CEMIP: variants seen among roughly 807,000 people sequenced by gnomAD.
CEMIP encodes the protein cell migration inducing hyaluronidase 1, also known as cell migration-inducing and hyaluronan-binding protein.
Under a neutral mutation model 156.9 loss-of-function variants are expected in CEMIP, and 105 were observed. The ratio of observed to expected loss-of-function variants is 0.67; its 90% CI spans 0.57 to 0.79. CEMIP has a LOEUF of 0.79. Among genes scored for constraint, CEMIP ranks in the 30% least tolerant of loss-of-function variants. The pLI is 0.00. For synonymous variants in CEMIP, 676 were observed against 668.4 expected, an observed-to-expected ratio of 1.01 and a Z score of -0.17; for missense variants, 1,457 against 1,769.4, an observed-to-expected ratio of 0.82 and a Z score of 3.17.
At chr15:80,827,358 C>T (rs1897059582) in intron 1 of CEMIP, among the ~76,000 whole-genome samples, 2 of 152,178 alleles carry the variant, frequency 1.3e-5, no homozygotes, top group Non-Finnish European at 2.9e-5. Context: ...CCAAAGTCAA[C>T]GACCTGCACA....
intron 1 of CEMIP, among the ~76,000 whole-genome samples, chr15:80,780,444 T>C (rs1405562547): frequency 1.3e-5 from 2 of 152,154 alleles, no homozygotes; most frequent in East Asian, 1.9e-4. Context: ...CGTGTGCTCA[T>C]GAGAGAGGAG....
At chr15:80,874,001 G>A in intron 3 of CEMIP, 28 bp downstream of exon 3, 1 of 1,541,992 alleles carries the variant, frequency 6.5e-7, no homozygotes, top group Non-Finnish European at 8.8e-7. Flanking sequence ...ATGGACCTCT[G>A]TATCTCAGCA....
intron 1 of CEMIP, among the ~76,000 whole-genome samples, chr15:80,808,326 GGA>G (rs1896568144): frequency 6.6e-6 from 1 of 152,122 alleles, no homozygotes; most frequent in African/African-American, 2.4e-5. Flanking sequence ...AGCTGTAAAT[GGA>G]AGGTATTACA....
intron 12 of CEMIP, chr15:80,896,405 A>G (rs1302033512): frequency 2.0e-6 from 1 of 494,318 alleles, no homozygotes. Flanking sequence ...CCTAGGCTCA[A>G]AGATGGCACA....
chr15:80,906,114 A>G lies in CEMIP; in HGVS notation c.1412-549A>G, dbSNP rs1016637515. Among the ~76,000 whole-genome samples the G allele has an allele frequency of 2.0e-5, 3 of 152,258 alleles. No individual in the cohort carries two copies. Among genetic ancestry groups the G allele is most frequent in the Admixed American group, 2.0e-4 (3 of 15,290 alleles). On this transcript the variant is annotated intron_variant, in intron 12 of 29. Transcript: ENST00000394685. This position sits in a 1 kb window ranked among gnomAD's most constrained non-coding sequence, Gnocchi z 4.3. ...GCTGTAAAGCAGGGGCTTTAAAGACAGAGGGGTTCTGTTTTATCTTCCTAA... is the reference window on the plus strand; with the variant it reads ...GCTGTAAAGCAGGGGCTTTAAAGACGGAGGGGTTCTGTTTTATCTTCCTAA...
chr15:80,931,545 CA>C (rs1900911790), intron 21 of CEMIP, among the ~76,000 whole-genome samples: 1 of 152,126 alleles, frequency 6.6e-6, no homozygotes, highest in Non-Finnish European at 1.5e-5. Context: ...CTCCAAACTC[CA>C]AACTAGCAAC....
Position 80,782,754 on chromosome 15 carries a change from G to A in CEMIP, c.-176+3140G>A, listed in dbSNP as rs1596084372. ...TCTTCCGTCTAAAAGGATTGGAGCT[G>A]AAGAATACATGCTACAGATGCTCAG... On this transcript the variant is annotated intron_variant, in intron 1 of 29. Coordinates refer to ENST00000394685, the MANE Select transcript of CEMIP (RefSeq NM_001293298.2). Among the ~76,000 whole-genome samples, 8 of 152,330 alleles carry A rather than the reference G, an allele frequency of 5.3e-5. 1 individual carries two copies. The South Asian group carries it at 1.7e-3, about 32-fold the overall frequency.
chr15:80,908,781 A>C (rs893047101), intron 13 of CEMIP, among the ~76,000 whole-genome samples: 1 of 152,160 alleles, frequency 6.6e-6, no homozygotes, highest in Non-Finnish European at 1.5e-5. Flanking sequence ...CTTGCTCATA[A>C]CACTTGATGG....
At chr15:80,875,134 A>G (rs976559548) in intron 3 of CEMIP, among the ~76,000 whole-genome samples, 1 of 149,908 alleles carries the variant, frequency 6.7e-6, no homozygotes, top group Non-Finnish European at 1.5e-5. Context: ...CCCGGGCTCA[A>G]AAGATTCTCT....
intron 1 of CEMIP, among the ~76,000 whole-genome samples, chr15:80,808,312 T>C (rs1896567622): frequency 6.6e-6 from 1 of 152,150 alleles, no homozygotes; most frequent in African/African-American, 2.4e-5. Context: ...GCTGAGACCC[T>C]CACAGCTGTA....
Position 80,932,880 on chromosome 15 carries a change from A to G in CEMIP, c.2794-365A>G, listed in dbSNP as rs1322571684. Among the ~76,000 whole-genome samples, 1 of 152,118 alleles carries G rather than the reference A, an allele frequency of 6.6e-6. No individual in the cohort carries two copies. The highest frequency in any genetic ancestry group is 1.5e-5 in the Non-Finnish European group (1 of 68,036). ...TGTGTGTACCCTTTCTCATACACAC[A>G]TCACCCCCACCTCCCTCTCACACAC... On this transcript the variant is annotated intron_variant, in intron 22 of 29. Transcript: ENST00000394685. The surrounding 1 kb of genome is among the most constrained non-coding windows in gnomAD (Gnocchi z 4.5).
intron 14 of CEMIP, among the ~76,000 whole-genome samples, chr15:80,911,429 C>T (rs1328084369): frequency 6.6e-6 from 1 of 152,174 alleles, no homozygotes; most frequent in Non-Finnish European, 1.5e-5. Flanking sequence ...CTACATTTAA[C>T]TTTACTAAAG....
At chr15:80,830,455 A>G (rs996695385) in intron 1 of CEMIP, among the ~76,000 whole-genome samples, 3 of 151,968 alleles carry the variant, frequency 2.0e-5, no homozygotes, top group Non-Finnish European at 4.4e-5. Flanking sequence ...TGGTTCTAGG[A>G]CTGTGATTTC....
chr15:80,916,956 T>C (rs1507661), intron 14 of CEMIP, among the ~76,000 whole-genome samples: 111,316 of 152,152 alleles, frequency 0.73, 43,997 homozygotes, highest in Non-Finnish European at 0.87. Flanking sequence ...ACACAGGTTA[T>C]GGACTCAGAC....
intron 7 of CEMIP, among the ~76,000 whole-genome samples, chr15:80,886,697 G>A (rs1898854138): frequency 6.6e-6 from 1 of 152,170 alleles, no homozygotes; most frequent in South Asian, 2.1e-4. Context: ...AGGAAACGAG[G>A]ACCCAAATAC....
At chr15:80,937,698 G>T in intron 24 of CEMIP, 96 bp from the exon 25 acceptor site, 1 of 1,107,880 alleles carries the variant, frequency 9.0e-7, no homozygotes, top group Non-Finnish European at 1.4e-6. Context: ...GGTGTCATTT[G>T]GTGGAGATTT....
intron 1 of CEMIP, among the ~76,000 whole-genome samples, chr15:80,870,680 G>T (rs1185235706): frequency 1.3e-5 from 2 of 152,224 alleles, no homozygotes; most frequent in African/African-American, 4.8e-5. Context: ...TTTTGCTCTT[G>T]TGTCTCTTGA....
rs926965698 is a variant in CEMIP, at chr15:80,873,705, G to A, written c.-17+9G>A. On this transcript the variant is annotated intron_variant, in intron 2 of 29. Coordinates refer to ENST00000394685, the MANE Select transcript of CEMIP (RefSeq NM_001293298.2). ...AGCTGGGGAAGCCACTGGTGAGGAC[G>A]CTGCACTGGAGTGTGGGCTGGCTGA... is the stretch of plus-strand genomic sequence containing the variant. The A allele has an allele frequency of 1.8e-5, 11 of 624,646 alleles. No homozygotes were observed. The highest frequency in any genetic ancestry group is 5.7e-5 in the East Asian group (2 of 35,198). 38.7% of individuals were successfully genotyped at this position (624,646 alleles called of 1,614,324 possible).
Position 80,948,727 on chromosome 15 carries a change from C to T in CEMIP, c.3959-70C>T, listed in dbSNP as rs1446564753. On this transcript the variant is annotated intron_variant, in intron 29 of 29. Coordinates refer to ENST00000394685, the MANE Select transcript of CEMIP (RefSeq NM_001293298.2). ...GGCGTGGGGGGCTGGCGATGGGGAG[C>T]CATGGAACGGGGTGGGGCAGCCGTC... The T allele has an allele frequency of 2.5e-6, 4 of 1,606,034 alleles. No individual in the cohort carries two copies. In the East Asian group the frequency reaches 6.7e-5, roughly 27 times the overall value.
Sources: allele counts gnomAD v4.1 joint callset (sites outside exome capture counted in the v4.1 genomes callset), GRCh38; gene constraint gnomAD v4.1.1; non-coding constraint Gnocchi (gnomAD v3.1); transcripts MANE v1.5; gene names NCBI Gene and HGNC (gene_info 2026-07-23, HGNC 2026-07-21).